Variants in PLXDC2 observed in about 807,000 individuals in gnomAD.
PLXDC2 encodes plexin domain-containing protein 2.
In PLXDC2, 40 loss-of-function variants were observed where a neutral mutation model predicts 68.9. That is an observed-to-expected ratio of 0.58 (90% CI 0.45 to 0.76). The LOEUF (loss-of-function observed/expected upper bound fraction) is 0.76. PLXDC2 is among the 30% of genes least tolerant of loss of function. The probability of loss-of-function intolerance (pLI) is 0.00; values close to 1 mark genes in which losing one functional copy is unlikely to be tolerated. For synonymous variants in PLXDC2, 243 were observed against 234.2 expected, an observed-to-expected ratio of 1.04 and a Z score of -0.34; for missense variants, 644 against 661.9, an observed-to-expected ratio of 0.97 and a Z score of 0.30.
intron 9 of PLXDC2, among the ~76,000 whole-genome samples, chr10:20,199,228 AT>A (rs570442196): frequency 6.6e-6 from 1 of 151,988 alleles, no homozygotes; most frequent in African/African-American, 2.4e-5. Flanking sequence ...AAATTTAACC[AT>A]TTTTTTAAGT....
intron 1 of PLXDC2, among the ~76,000 whole-genome samples, chr10:19,872,959 A>G (rs149085106): frequency 1.4e-3 from 214 of 152,254 alleles, no homozygotes; most frequent in African/African-American, 4.9e-3. Flanking sequence ...TCTAATCTTT[A>G]TGCTGATTCA....
chr10:20,035,968 C>G (rs1052140823), intron 2 of PLXDC2, among the ~76,000 whole-genome samples: 4 of 152,056 alleles, frequency 2.6e-5, no homozygotes, highest in African/African-American at 9.7e-5. Flanking sequence ...AGAAATAGAT[C>G]AAGACAGATA....
chr10:19,941,979 A>G (rs1833828045), intron 1 of PLXDC2, among the ~76,000 whole-genome samples: 3 of 152,022 alleles, frequency 2.0e-5, no homozygotes, highest in African/African-American at 7.2e-5. Context: ...TTAGAGAAAA[A>G]AAAAAAAAAA....
intron 1 of PLXDC2, among the ~76,000 whole-genome samples, chr10:19,899,443 A>G (rs541049686): frequency 2.0e-5 from 3 of 152,304 alleles, no homozygotes; most frequent in Non-Finnish European, 2.9e-5. Flanking sequence ...TTAAATTACC[A>G]ACTGTTGCCT....
chr10:19,918,534 A>G (rs1382694100), intron 1 of PLXDC2, among the ~76,000 whole-genome samples: 1 of 152,200 alleles, frequency 6.6e-6, no homozygotes. Flanking sequence ...ACACAAGTTG[A>G]GCAAATCGAT....
At chr10:19,889,570 T>A (rs1219831893) in intron 1 of PLXDC2, among the ~76,000 whole-genome samples, 12 of 151,994 alleles carry the variant, frequency 7.9e-5, no homozygotes, top group Admixed American at 7.9e-4. Flanking sequence ...TAAAATGGAG[T>A]GTTATTTTCT....
intron 2 of PLXDC2, among the ~76,000 whole-genome samples, chr10:20,024,638 G>A (rs1835366493): frequency 6.6e-6 from 1 of 151,902 alleles, no homozygotes; most frequent in African/African-American, 2.4e-5. Context: ...ATGTGTGCAG[G>A]TTTGTTACCT....
intron 1 of PLXDC2, among the ~76,000 whole-genome samples, chr10:19,955,686 C>T (rs1468079097): frequency 1.3e-5 from 2 of 151,912 alleles, no homozygotes; most frequent in Non-Finnish European, 2.9e-5. Flanking sequence ...AATAAATTCC[C>T]AGCTTAAAAA....
intron 4 of PLXDC2, among the ~76,000 whole-genome samples, chr10:20,142,704 CT>C (rs199962865): frequency 0.025 from 3,864 of 151,982 alleles, 66 homozygotes; most frequent in South Asian, 0.067. Flanking sequence ...AACATATAGA[CT>C]TTATCTTCTT....
chr10:20,226,903 A>C (rs956259990), intron 12 of PLXDC2, among the ~76,000 whole-genome samples: 1 of 151,888 alleles, frequency 6.6e-6, no homozygotes, highest in African/African-American at 2.4e-5. Context: ...GAGGAAAGAA[A>C]CTTCCATATA....
intron 2 of PLXDC2, among the ~76,000 whole-genome samples, chr10:20,022,943 T>G (rs191702670): frequency 1.3e-3 from 200 of 152,006 alleles, no homozygotes; most frequent in Non-Finnish European, 2.5e-3. Flanking sequence ...CTTGGATTAT[T>G]TAAATATGTT....
intron 9 of PLXDC2, among the ~76,000 whole-genome samples, chr10:20,210,494 G>A (rs1835054761): frequency 6.6e-6 from 1 of 152,220 alleles, no homozygotes; most frequent in East Asian, 1.9e-4. Flanking sequence ...ACGTAGGGAA[G>A]ACAGAAAATT....
chr10:20,107,713 A>G (rs142741723), intron 4 of PLXDC2, among the ~76,000 whole-genome samples: 223 of 152,236 alleles, frequency 1.5e-3, no homozygotes, highest in African/African-American at 5.1e-3. Flanking sequence ...GAGGTATTCA[A>G]TTTGGAGGTT....
At chr10:20,144,017 T>G (rs546792864) in intron 5 of PLXDC2, among the ~76,000 whole-genome samples, 1 of 151,956 alleles carries the variant, frequency 6.6e-6, no homozygotes, top group African/African-American at 2.4e-5. Context: ...AAAACTATAA[T>G]AAATCATTAA....
chr10:19,881,420 A>G (rs1837725682), intron 1 of PLXDC2, among the ~76,000 whole-genome samples: 1 of 152,128 alleles, frequency 6.6e-6, no homozygotes, highest in South Asian at 2.1e-4. Context: ...CTGGCCGCCA[A>G]TTTCTTTTAA....
In PLXDC2 at chr10:19,927,713, C is replaced by CAAAAAAAAAAAAAAAAAAA. The variant is rs35250324; in HGVS notation, c.113-74055_113-74037dup. Among the ~76,000 whole-genome samples the CAAAAAAAAAAAAAAAAAAA allele has an allele frequency of 7.2e-4, 38 of 53,144 alleles. 1 individual carries two copies. Among genetic ancestry groups the CAAAAAAAAAAAAAAAAAAA allele is most frequent in the South Asian group, 1.1e-3 (1 of 888 alleles). The allele number at this position is 53,144 out of a possible 152,430, so 34.9% of individuals were successfully genotyped here. Reference sequence around the variant, plus strand: ...GAGACTCCATCTCAAGGAAAAAAAGCAAAAAAAAAAAAAAAAAAAAAAAAA... The same window carrying CAAAAAAAAAAAAAAAAAAA: ...GAGACTCCATCTCAAGGAAAAAAAGCAAAAAAAAAAAAAAAAAAAAAAAAAAAAAAAAAAAAAAAAAAAA... On this transcript the variant is annotated intron_variant, in intron 1 of 13. Coordinates refer to ENST00000377252, the MANE Select transcript of PLXDC2 (RefSeq NM_032812.9).
intron 1 of PLXDC2, among the ~76,000 whole-genome samples, chr10:19,839,901 G>A (rs1230129182): frequency 2.6e-5 from 4 of 152,238 alleles, no homozygotes; most frequent in African/African-American, 4.8e-5. Context: ...ATTCTAAATA[G>A]CCATTTAGAT....
chr10:19,823,670 C>CA (rs745633152), intron 1 of PLXDC2, among the ~76,000 whole-genome samples: 2,815 of 138,782 alleles, frequency 0.02, 83 homozygotes, highest in African/African-American at 0.065. Context: ...GACTTCATCT[C>CA]AAAAAAAAAA....
intron 1 of PLXDC2, among the ~76,000 whole-genome samples, chr10:19,947,653 G>T (rs1833924519): frequency 6.7e-6 from 1 of 150,300 alleles, no homozygotes; most frequent in African/African-American, 2.4e-5. Flanking sequence ...ACACCTCAGG[G>T]TGATTTATGT....
Sources: allele counts gnomAD v4.1 joint callset (sites outside exome capture counted in the v4.1 genomes callset), GRCh38; gene constraint gnomAD v4.1.1; transcripts MANE v1.5; gene names NCBI Gene and HGNC (gene_info 2026-07-23, HGNC 2026-07-21).